Variants in LDAH observed in about 807,000 individuals in gnomAD.
LDAH encodes lipid droplet-associated hydrolase.
LDAH carries 26 observed loss-of-function variants against 29.6 expected under a neutral mutation model. The ratio of observed to expected loss-of-function variants is 0.88; its 90% confidence interval spans 0.64 to 1.22. The LOEUF is 1.22. LDAH is among the 50% of genes most tolerant of loss of function. The pLI is 0.00. For synonymous variants in LDAH, 117 were observed against 133.0 expected, an observed-to-expected ratio of 0.88 and a Z score of 0.83; for missense variants, 344 against 387.3, an observed-to-expected ratio of 0.89 and a Z score of 0.94.
chr2:20,715,010 G>A (rs1311449004), intron 5 of LDAH, among the ~76,000 whole-genome samples: 2 of 152,160 alleles, frequency 1.3e-5, no homozygotes, highest in African/African-American at 4.8e-5. Flanking sequence ...GAAAAAGAGG[G>A]AATCCTCCCT....
chr2:20,739,554 C>T (rs1192656582), intron 5 of LDAH, among the ~76,000 whole-genome samples: 1 of 152,142 alleles, frequency 6.6e-6, no homozygotes, highest in Non-Finnish European at 1.5e-5. Context: ...TCTCCCAAAA[C>T]ATTTAAAGGA....
At position 20,709,446 on chromosome 2, in the gene LDAH, CAAA is replaced by C. The variant is rs745469434; in HGVS notation, c.704-7797_704-7795del. Among the ~76,000 whole-genome samples the C allele has an allele frequency of 2.4e-4, 36 of 152,004 alleles. 1 individual carries two copies. The highest frequency in any genetic ancestry group is 2.0e-3 in the Admixed American group (31 of 15,254). On this transcript the variant is annotated intron_variant, in intron 5 of 6. Transcript: ENST00000237822. ...TCATTAGTCATCAAGGAAATATAAT[CAAA>C]ACCACAATGAGATACTACTTCACTA... is the stretch of plus-strand genomic sequence containing the variant.
At chr2:20,729,958 G>C (rs1397700328) in intron 5 of LDAH, among the ~76,000 whole-genome samples, 3 of 152,138 alleles carry the variant, frequency 2.0e-5, no homozygotes, top group Non-Finnish European at 1.5e-5. Flanking sequence ...ACCATGCCTA[G>C]CTAAATTTTC....
chr2:20,734,424 G>A (rs1666638215), intron 5 of LDAH, among the ~76,000 whole-genome samples: 1 of 152,102 alleles, frequency 6.6e-6, no homozygotes, highest in Non-Finnish European at 1.5e-5. Context: ...TATCCATGGT[G>A]ATTTTGAGTA....
chr2:20,774,800 A>C lies in LDAH; in HGVS notation c.468+10T>G, dbSNP rs750420327. 1.2e-6 allele frequency: 2 copies of C among 1,612,254 alleles called. No individual in the cohort carries two copies. The highest frequency in any genetic ancestry group is 2.2e-5 in the South Asian group (2 of 90,974). ...CCAGCACCCACAGTTACCTCTGGAGACCTACTTACCGGGAGCTCAGGGACT... is the reference window on the plus strand; with the variant it reads ...CCAGCACCCACAGTTACCTCTGGAGCCCTACTTACCGGGAGCTCAGGGACT... On this transcript the variant is annotated intron_variant, in intron 4 of 6. Coordinates refer to ENST00000237822, the MANE Select transcript of LDAH (RefSeq NM_021925.4).
chr2:20,765,043 T>C (rs1250815043), intron 4 of LDAH, among the ~76,000 whole-genome samples: 4 of 152,168 alleles, frequency 2.6e-5, no homozygotes, highest in African/African-American at 9.7e-5. Context: ...GAACCAAATA[T>C]GTAATATATG....
chr2:20,770,434 AC>A (rs1189742552), intron 4 of LDAH, among the ~76,000 whole-genome samples: 2 of 152,202 alleles, frequency 1.3e-5, no homozygotes, highest in Admixed American at 1.3e-4. Flanking sequence ...ATTAAAGTTC[AC>A]CCCAAGACTC....
At chr2:20,779,470 T>A (rs1030480764) in intron 3 of LDAH, among the ~76,000 whole-genome samples, 1 of 151,836 alleles carries the variant, frequency 6.6e-6, no homozygotes, top group East Asian at 1.9e-4. Context: ...CCTTTTTTTT[T>A]AAGAAAAAAT....
In LDAH at chr2:20,718,936, G is replaced by A. The variant is rs538354218; in HGVS notation, c.704-17284C>T. Among the ~76,000 whole-genome samples, 4 of 150,788 alleles carry A rather than the reference G, an allele frequency of 2.7e-5. No homozygotes were observed. In the South Asian group the frequency reaches 8.3e-4, roughly 31 times the overall value. Reference sequence around the variant, plus strand: ...ACCAATGGGTCAATGAAGAAATTATGAGAGAAATTTTTTAAAAACTCTTAA... The same window carrying A: ...ACCAATGGGTCAATGAAGAAATTATAAGAGAAATTTTTTAAAAACTCTTAA... On this transcript the variant is annotated intron_variant, in intron 5 of 6. Coordinates refer to ENST00000237822, the MANE Select transcript of LDAH (RefSeq NM_021925.4).
chr2:20,696,189 A>G (rs1224354559), intron 6 of LDAH, among the ~76,000 whole-genome samples: 2 of 152,196 alleles, frequency 1.3e-5, no homozygotes, highest in East Asian at 3.8e-4. Context: ...TCCAGGGAGC[A>G]TTTCCTATGC....
At chr2:20,811,812 A>G (rs1481831595) in intron 1 of LDAH, among the ~76,000 whole-genome samples, 1 of 152,182 alleles carries the variant, frequency 6.6e-6, no homozygotes, top group Non-Finnish European at 1.5e-5. Context: ...AGGACTATGA[A>G]AGACAGAAAA....
At chr2:20,762,414 C>A (rs1286859126) in intron 4 of LDAH, among the ~76,000 whole-genome samples, 1 of 152,018 alleles carries the variant, frequency 6.6e-6, no homozygotes, top group East Asian at 1.9e-4. Flanking sequence ...CCCTAACCAC[C>A]AGAGAAAACT....
intron 5 of LDAH, among the ~76,000 whole-genome samples, chr2:20,735,416 T>C (rs1045486152): frequency 8.9e-4 from 135 of 152,298 alleles, no homozygotes; most frequent in African/African-American, 3.1e-3. Flanking sequence ...TTCCATCCAT[T>C]GAGATTTTAA....
chr2:20,707,969 T>C (rs1572440517), intron 5 of LDAH, among the ~76,000 whole-genome samples: 1 of 152,122 alleles, frequency 6.6e-6, no homozygotes, highest in African/African-American at 2.4e-5. Context: ...GGGATCTAGG[T>C]TGCGTGCTCC....
At position 20,720,528 on chromosome 2, in the gene LDAH, T is replaced by C. The variant is rs183919603; in HGVS notation, c.704-18876A>G. 5.2e-3 allele frequency among the ~76,000 whole-genome samples: 787 copies of C among 152,228 alleles called. 8 individuals are homozygous for C. Among genetic ancestry groups the C allele is most frequent in the African/African-American group, 0.017 (690 of 41,548 alleles). The stretch of plus-strand genomic sequence containing the variant: ...TCATGGATTGGAAGGGTTAATATCA[T>C]TGAAATGTTATATGACCCAAAGCAA... On this transcript the variant is annotated intron_variant, in intron 5 of 6. Transcript: ENST00000237822.
intron 6 of LDAH, among the ~76,000 whole-genome samples, chr2:20,695,573 C>T (rs977003625): frequency 2.0e-5 from 3 of 152,036 alleles, no homozygotes; most frequent in South Asian, 4.1e-4. Context: ...CCTCAGCCTC[C>T]CGAGTAGCTG....
chr2:20,799,132 C>T (rs913340290), intron 2 of LDAH, among the ~76,000 whole-genome samples: 8 of 151,980 alleles, frequency 5.3e-5, no homozygotes, highest in Middle Eastern at 3.2e-3. Flanking sequence ...GAGGCTGATA[C>T]AGGAGAATCT....
At chr2:20,791,686 C>A (rs1395442603) in intron 2 of LDAH, among the ~76,000 whole-genome samples, 1 of 152,214 alleles carries the variant, frequency 6.6e-6, no homozygotes, top group African/African-American at 2.4e-5. Flanking sequence ...CATACCAGCA[C>A]AGGGGCTATA....
intron 4 of LDAH, among the ~76,000 whole-genome samples, chr2:20,773,881 C>T (rs1376597825): frequency 6.6e-6 from 1 of 152,150 alleles, no homozygotes; most frequent in Non-Finnish European, 1.5e-5. Context: ...CCTATCTTGG[C>T]TTCAGATTAC....
Sources: gnomAD v4.1 joint callset for allele counts (sites outside exome capture counted in the v4.1 genomes callset) on GRCh38, gnomAD v4.1.1 for gene constraint, MANE v1.5 for transcripts, NCBI Gene and HGNC (gene_info 2026-07-23, HGNC 2026-07-21) for gene names.